The following CCDC40 variants were observed in gnomAD, a reference collection of about 807,000 sequenced individuals.
CCDC40 encodes the protein coiled-coil domain-containing protein 40.
CCDC40 carries 104 observed loss-of-function variants against 124.5 expected under a neutral mutation model. The ratio of observed to expected loss-of-function variants is 0.84; its 90% CI spans 0.71 to 0.98. CCDC40 has a LOEUF of 0.98. Ranked by LOEUF, CCDC40 falls within the 50% of genes least tolerant of loss-of-function variation. The pLI, the probability that CCDC40 is intolerant of heterozygous loss-of-function variation, is 0.00. For synonymous variants in CCDC40, 580 were observed against 602.9 expected (o/e 0.96, Z 0.56); for missense variants, 1,463 against 1,503.9 (o/e 0.97, Z 0.45).
rs2038604320 is a variant in CCDC40, at chr17:80,087,186, C to G, written c.2450-421C>G. On this transcript the variant is annotated intron_variant, in intron 14 of 19. Transcript: ENST00000397545. The surrounding 1 kb of genome is among the most constrained non-coding windows in gnomAD (Gnocchi z 4.5). ...GAGCTGTTGTTTTCTGCCCCTACCC[C>G]TGAGCTTGGCTGGGGCAGGGCAGGG... is the stretch of plus-strand genomic sequence containing the variant. 3.6e-6 allele frequency: 1 copy of G among 274,060 alleles called. No homozygotes were observed. The highest frequency in any genetic ancestry group is 2.2e-5 in the African/African-American group (1 of 46,144). The allele number at this position is 274,060 out of a possible 1,614,324, so 17.0% of individuals were successfully genotyped here.
chr17:80,067,002 C>G (rs2038062820), intron 10 of CCDC40: 1 of 152,958 alleles, frequency 6.5e-6, no homozygotes, highest in African/African-American at 2.4e-5. Flanking sequence ...TTTCCTCCTG[C>G]CCCAATGCTA....
chr17:80,073,829 G>C (rs934467648), intron 10 of CCDC40, among the ~76,000 whole-genome samples: 1 of 152,132 alleles, frequency 6.6e-6, no homozygotes, highest in African/African-American at 2.4e-5. Flanking sequence ...CCGAGTGGCT[G>C]AGATTGCAGG....
intron 7 of CCDC40, among the ~76,000 whole-genome samples, chr17:80,054,263 GT>G (rs1447724640): frequency 2.0e-5 from 3 of 151,762 alleles, no homozygotes; most frequent in African/African-American, 7.3e-5. Flanking sequence ...TTGGGGGAGG[GT>G]TTTTTTTGTT....
At chr17:80,045,091 T>C (rs774043364) in intron 3 of CCDC40, among the ~76,000 whole-genome samples, 17 of 152,190 alleles carry the variant, frequency 1.1e-4, no homozygotes, top group Non-Finnish European at 2.4e-4. Context: ...CAGAAATAAC[T>C]TCCAGAGTCA....
Position 80,058,790 on chromosome 17 carries a change from G to T in CCDC40, c.1318-68G>T, listed in dbSNP as rs2037819480. 1.9e-6 allele frequency: 3 copies of T among 1,612,528 alleles called. No individual in the cohort carries two copies. Among genetic ancestry groups the T allele is most frequent in the Non-Finnish European group, 2.5e-6 (3 of 1,178,934 alleles). ...TGGGTGGCGTCAACTTGTATCAAGGGTTGGTGGAGAACAGGCCCTCAGCCA... is the reference window on the plus strand; with the variant it reads ...TGGGTGGCGTCAACTTGTATCAAGGTTTGGTGGAGAACAGGCCCTCAGCCA... On this transcript the variant is annotated intron_variant, in intron 8 of 19. Transcript: ENST00000397545. The surrounding 1 kb of genome is among the most constrained non-coding windows in gnomAD (Gnocchi z 4.2).
Position 80,097,335 on chromosome 17 carries a change from T to G in CCDC40, c.3112T>G (p.Ser1038Ala). 1.2e-6 allele frequency: 2 copies of G among 1,613,844 alleles called. No homozygotes were observed. The highest frequency in any genetic ancestry group is 1.7e-6 in the Non-Finnish European group (2 of 1,180,006). Residue 1038 changes from serine to alanine, a missense_variant, in exon 19 of 20, where the codon TCG becomes GCG. Transcript: ENST00000397545. ...SSLLEKQEKL[S>A]VIQADFDTLE... ...CCTCCTAGAGAAGCAGGAAAAGCTG[T>G]CGGTGATTCAGGCAGACTTCGACAC...
intron 10 of CCDC40, among the ~76,000 whole-genome samples, chr17:80,076,769 A>G (rs2038321063): frequency 6.6e-6 from 1 of 151,562 alleles, no homozygotes; most frequent in Non-Finnish European, 1.5e-5. Flanking sequence ...TTTTTAAAAT[A>G]GAGTCTCATT....
chr17:80,037,688 A>AAAAATATAT, intron 1 of CCDC40, among the ~76,000 whole-genome samples: 1 of 45,678 alleles, frequency 2.2e-5, no homozygotes, highest in African/African-American at 5.9e-5. Flanking sequence ...TTTTTTAAAA[A>AAAAATATAT]AGATATACAT....
chr17:80,051,850 G>A (rs948647116), intron 7 of CCDC40, among the ~76,000 whole-genome samples: 3 of 152,160 alleles, frequency 2.0e-5, no homozygotes, highest in Non-Finnish European at 4.4e-5. Context: ...GGTGTGGAGC[G>A]CCCTCCGGCT....
chr17:80,067,741 G>A (rs2038084989), intron 10 of CCDC40: 2 of 1,509,602 alleles, frequency 1.3e-6, no homozygotes, highest in South Asian at 2.5e-5. Flanking sequence ...GGAATGTCTG[G>A]GTCTAGCGGG....
At chr17:80,080,213 A>C (rs1035149344) in intron 10 of CCDC40, among the ~76,000 whole-genome samples, 3 of 109,662 alleles carry the variant, frequency 2.7e-5, no homozygotes, top group Non-Finnish European at 5.8e-5. Flanking sequence ...AAAAGAAAGA[A>C]AGGAATGAAA....
intron 3 of CCDC40, among the ~76,000 whole-genome samples, chr17:80,044,716 A>T (rs201842709): frequency 0.19 from 23,578 of 124,096 alleles, 3,052 homozygotes; most frequent in African/African-American, 0.31. Context: ...CAAAAAAAAA[A>T]ATATATATAT....
chr17:80,089,985 G>A, intron 17 of CCDC40, 101 bp downstream of exon 17: 11 of 1,552,672 alleles, frequency 7.1e-6, no homozygotes, highest in Non-Finnish European at 9.6e-6. Context: ...GGGCTCCTGT[G>A]GGAACCACAC....
At chr17:80,098,266 C>A (rs145977096) in intron 19 of CCDC40, among the ~76,000 whole-genome samples, 1 of 152,170 alleles carries the variant, frequency 6.6e-6, no homozygotes, top group Non-Finnish European at 1.5e-5. Flanking sequence ...AGACTGTGTG[C>A]GGCCTTAGGG....
rs1397122647 is a variant in CCDC40, at chr17:80,056,002, A to ATTTTT, written c.1160-2491_1160-2490insTTTTT. ...TTTTCATATATATATATATATATAT[A>ATTTTT]TATATATATATATATTTTTTTTTTT... On this transcript the variant is annotated intron_variant, in intron 7 of 19. Transcript: ENST00000397545. Among the ~76,000 whole-genome samples the ATTTTT allele has an allele frequency of 3.7e-3, 29 of 7,834 alleles. 1 individual carries two copies. Among genetic ancestry groups the ATTTTT allele is most frequent in the Non-Finnish European group, 6.7e-3 (24 of 3,574 alleles). 5.1% of individuals were successfully genotyped at this position (7,834 alleles called of 152,430 possible).
At chr17:80,062,116 A>G (rs973942477) in intron 9 of CCDC40, among the ~76,000 whole-genome samples, 1 of 150,512 alleles carries the variant, frequency 6.6e-6, no homozygotes, top group Non-Finnish European at 1.5e-5. Flanking sequence ...GTCTCTAAAG[A>G]AATAAATACA....
chr17:80,040,067 T>G lies in CCDC40; in HGVS notation c.349T>G (p.Phe117Val). ...ISAADTTYPY[F>V]SPPQELPGEE... ...TGCTGCAGATACGACTTACCCGTAT[T>G]TCAGTCCTCCTCAGGAACTGCCTGG... is the stretch of plus-strand genomic sequence containing the variant. The change falls in exon 3 of 20, where the codon TTC (phenylalanine) becomes GTC (valine). Residue 117 changes from phenylalanine to valine, a missense_variant. Phe to Val is a conservative substitution (Grantham distance 50). Transcript: ENST00000397545. 6.2e-7 allele frequency: 1 copy of G among 1,614,114 alleles called. No individual in the cohort carries two copies. Among genetic ancestry groups the G allele is most frequent in the South Asian group, 1.1e-5 (1 of 91,078 alleles).
chr17:80,039,266 C>T (rs1483003367), intron 2 of CCDC40, among the ~76,000 whole-genome samples: 4 of 151,916 alleles, frequency 2.6e-5, no homozygotes, highest in Non-Finnish European at 5.9e-5. Flanking sequence ...ACTTGGGAGG[C>T]TGAAGCAGGA....
At chr17:80,065,421 T>C in intron 9 of CCDC40, 64 bp from the exon 10 acceptor site, 3 of 1,607,868 alleles carry the variant, frequency 1.9e-6, no homozygotes, top group Non-Finnish European at 2.5e-6. Flanking sequence ...GCTCTGGTGT[T>C]CTTGGGCTTT....
Sources: allele counts gnomAD v4.1 joint callset (sites outside exome capture counted in the v4.1 genomes callset), GRCh38; gene constraint gnomAD v4.1.1; non-coding constraint Gnocchi (gnomAD v3.1); transcripts MANE v1.5; gene names NCBI Gene and HGNC (gene_info 2026-07-23, HGNC 2026-07-21).